EYA4: variants seen among roughly 807,000 people sequenced by gnomAD.
EYA4 encodes protein phosphatase EYA4.
In EYA4, 31 loss-of-function variants were observed where a neutral mutation model predicts 87.9. The ratio of observed to expected loss-of-function variants is 0.35; its 90% confidence interval spans 0.27 to 0.48. The LOEUF (loss-of-function observed/expected upper bound fraction) is 0.48. Among genes scored for constraint, EYA4 ranks in the 20% least tolerant of loss-of-function variants. The pLI, the probability that EYA4 is intolerant of heterozygous loss-of-function variation, is 0.99. For missense variants in EYA4, 678 were observed against 761.4 expected (o/e 0.89, Z 1.29); for synonymous variants, 263 against 270.6 (o/e 0.97, Z 0.28).
intron 3 of EYA4, among the ~76,000 whole-genome samples, chr6:133,423,015 C>T (rs1338310173): frequency 6.6e-6 from 1 of 152,138 alleles, no homozygotes; most frequent in Non-Finnish European, 1.5e-5. Flanking sequence ...TCAGATGGCA[C>T]TTCTCATCTC....
chr6:133,245,440 C>T (rs1400010711), intron 1 of EYA4, among the ~76,000 whole-genome samples: 1 of 152,128 alleles, frequency 6.6e-6, no homozygotes, highest in African/African-American at 2.4e-5. Flanking sequence ...ATGCTAAACT[C>T]TTATAACGTG....
intron 1 of EYA4, among the ~76,000 whole-genome samples, chr6:133,253,279 C>T (rs189472159): frequency 6.6e-6 from 1 of 152,052 alleles, no homozygotes; most frequent in East Asian, 1.9e-4. Context: ...ACAGGAAGTC[C>T]AAAGAAGGCA....
chr6:133,431,151 G>A (rs1307165251), intron 3 of EYA4, among the ~76,000 whole-genome samples: 2 of 152,056 alleles, frequency 1.3e-5, no homozygotes, highest in Non-Finnish European at 2.9e-5. Flanking sequence ...GTGAGTGAGG[G>A]GAATCACCTA....
intron 19 of EYA4, among the ~76,000 whole-genome samples, chr6:133,526,800 T>C (rs991839981): frequency 1.1e-4 from 16 of 152,230 alleles, no homozygotes; most frequent in African/African-American, 2.7e-4. Flanking sequence ...ATTTTTCTTA[T>C]TGGCACCATA....
intron 3 of EYA4, among the ~76,000 whole-genome samples, chr6:133,391,224 T>TTG (rs1554246229): frequency 3.7e-5 from 3 of 80,398 alleles, no homozygotes; most frequent in Non-Finnish European, 1.0e-4. Context: ...TTGTTTTTGT[T>TTG]TTTTTTTTTT....
intron 3 of EYA4, among the ~76,000 whole-genome samples, chr6:133,437,254 A>G (rs143351064): frequency 2.2e-4 from 34 of 152,316 alleles, no homozygotes; most frequent in African/African-American, 7.9e-4. Context: ...CCTTATATTG[A>G]CTTTAGTAAC....
intron 13 of EYA4, among the ~76,000 whole-genome samples, chr6:133,498,574 G>T (rs148837795): frequency 8.5e-5 from 13 of 152,278 alleles, no homozygotes; most frequent in African/African-American, 3.1e-4. Context: ...AGTCAGTGTT[G>T]CAGAGAAGTA....
At chr6:133,467,123 T>A (rs1392005718) in intron 10 of EYA4, among the ~76,000 whole-genome samples, 1 of 152,062 alleles carries the variant, frequency 6.6e-6, no homozygotes, top group African/African-American at 2.4e-5. Flanking sequence ...ATCTTTGAGA[T>A]ATGTTTGAAT....
intron 13 of EYA4, among the ~76,000 whole-genome samples, chr6:133,486,675 G>A (rs1796713403): frequency 6.6e-6 from 1 of 152,210 alleles, no homozygotes; most frequent in South Asian, 2.1e-4. Flanking sequence ...AGAGGAGCTA[G>A]CCCTACAAAT....
intron 1 of EYA4, among the ~76,000 whole-genome samples, chr6:133,264,033 A>G (rs2128246344): frequency 6.6e-6 from 1 of 152,282 alleles, no homozygotes; most frequent in Non-Finnish European, 1.5e-5. Flanking sequence ...TTTCCTTTTC[A>G]CTGCAGCAAG....
intron 2 of EYA4, among the ~76,000 whole-genome samples, chr6:133,373,354 T>A (rs1040780423): frequency 6.6e-6 from 1 of 152,080 alleles, no homozygotes; most frequent in African/African-American, 2.4e-5. Context: ...TATAAAGATA[T>A]AGAATATGTT....
At chr6:133,437,119 A>T (rs1189711829) in intron 3 of EYA4, among the ~76,000 whole-genome samples, 1 of 152,130 alleles carries the variant, frequency 6.6e-6, no homozygotes, top group East Asian at 1.9e-4. Context: ...TTGTCTGGAA[A>T]GATGCTAATA....
At chr6:133,375,694 A>G (rs1438752339) in intron 2 of EYA4, among the ~76,000 whole-genome samples, 1 of 151,912 alleles carries the variant, frequency 6.6e-6, no homozygotes, top group Non-Finnish European at 1.5e-5. Context: ...AAATAAGAAC[A>G]TGACAGCTAT....
intron 3 of EYA4, among the ~76,000 whole-genome samples, chr6:133,427,898 GA>G (rs10712103): frequency 0.46 from 70,065 of 151,882 alleles, 17,402 homozygotes; most frequent in East Asian, 0.76. Flanking sequence ...TAGCCTGCTG[GA>G]AAAAATTTAG....
At position 133,325,606 on chromosome 6, in the gene EYA4, C is replaced by T. The variant is rs113793062; in HGVS notation, c.33+50793C>T. Among the ~76,000 whole-genome samples the T allele has an allele frequency of 5.7e-4, 87 of 152,296 alleles. No individual in the cohort carries two copies. In the Middle Eastern group the frequency reaches 0.014, roughly 24 times the overall value. Reference sequence around the variant, plus strand: ...ATTGACTTTATGACATTTTTATTATCTGTCCTTTCAAACCTTATGGTTCTA... The same window carrying T: ...ATTGACTTTATGACATTTTTATTATTTGTCCTTTCAAACCTTATGGTTCTA... On this transcript the variant is annotated intron_variant, in intron 2 of 19. Coordinates refer to ENST00000355286, the MANE Select transcript of EYA4 (RefSeq NM_004100.5).
chr6:133,260,742 C>T (rs1226207916), intron 1 of EYA4, among the ~76,000 whole-genome samples: 2 of 152,236 alleles, frequency 1.3e-5, no homozygotes, highest in South Asian at 4.1e-4. Flanking sequence ...TGATTTATCT[C>T]ACTCAAGAAA....
chr6:133,494,507 G>A (rs1026441355), intron 13 of EYA4, among the ~76,000 whole-genome samples: 4 of 151,952 alleles, frequency 2.6e-5, no homozygotes, highest in African/African-American at 9.7e-5. Context: ...GCACATCAGG[G>A]TGACTGTAGT....
rs544506399 is a variant in EYA4, at chr6:133,441,692, G to A, written c.84-4938G>A. Among the ~76,000 whole-genome samples, 39 of 152,200 alleles carry A rather than the reference G, an allele frequency of 2.6e-4. No individual in the cohort carries two copies. In the East Asian group the frequency reaches 5.2e-3, roughly 20 times the overall value. ...TCCAGGGTGGAGAATGAGTCAGGGC[G>A]GAGCAGGTAGTAGGTAATTGGAATG... On this transcript the variant is annotated intron_variant, in intron 3 of 19. Transcript: ENST00000355286.
chr6:133,380,470 A>C (rs1274077812), intron 2 of EYA4, among the ~76,000 whole-genome samples: 1 of 152,094 alleles, frequency 6.6e-6, no homozygotes, highest in Non-Finnish European at 1.5e-5. Context: ...AAATGATAGG[A>C]AGCTTGTCTG....
Sources: gnomAD v4.1 joint callset for allele counts (sites outside exome capture counted in the v4.1 genomes callset) on GRCh38, gnomAD v4.1.1 for gene constraint, MANE v1.5 for transcripts, NCBI Gene and HGNC (gene_info 2026-07-23, HGNC 2026-07-21) for gene names.